The following FAM114A1 variants were observed in gnomAD, a reference collection of about 807,000 sequenced individuals.
The protein encoded by FAM114A1 is protein NOXP20.
FAM114A1 carries 62 observed loss-of-function variants against 64.3 expected under a neutral mutation model. The observed-to-expected ratio is 0.96, with a 90% CI of 0.79 to 1.19. The LOEUF is 1.19. FAM114A1 is among the 50% of genes most tolerant of loss of function. The pLI is 0.00. For missense variants in FAM114A1, 645 were observed against 676.3 expected (o/e 0.95, Z 0.51); for synonymous variants, 254 against 251.1 (o/e 1.01, Z -0.11).
intron 14 of FAM114A1, 135 bp from the exon 15 acceptor site, chr4:38,943,321 A>G (rs1721718170): frequency 1.5e-6 from 1 of 687,898 alleles, no homozygotes; most frequent in Non-Finnish European, 2.5e-6. Flanking sequence ...CACTTGCTTT[A>G]AGCACCAATA....
intron 10 of FAM114A1, 130 bp from the exon 11 acceptor site, chr4:38,931,321 C>A: frequency 9.1e-7 from 1 of 1,100,292 alleles, no homozygotes; most frequent in Non-Finnish European, 1.2e-6. Context: ...AAAATTGCCC[C>A]GTCATCCTCC....
intron 14 of FAM114A1, 55 bp downstream of exon 14, chr4:38,941,076 CTT>C (rs11398065): frequency 8.5e-3 from 10,316 of 1,213,734 alleles, no homozygotes; most frequent in South Asian, 0.012. Context: ...GTTAGAACTA[CTT>C]TTTTTTTTTT....
chr4:38,878,704 AT>A (rs1270946554), intron 3 of FAM114A1, among the ~76,000 whole-genome samples: 1 of 152,168 alleles, frequency 6.6e-6, no homozygotes, highest in Non-Finnish European at 1.5e-5. Flanking sequence ...ATGTTATGTA[AT>A]TCACTCCATC....
intron 8 of FAM114A1, among the ~76,000 whole-genome samples, chr4:38,919,101 C>T (rs755691099): frequency 4.6e-5 from 7 of 151,772 alleles, no homozygotes; most frequent in Non-Finnish European, 7.4e-5. Flanking sequence ...TGTAGTGAGC[C>T]GAGATCACAC....
chr4:38,901,570 G>T (rs1436815598), intron 4 of FAM114A1, among the ~76,000 whole-genome samples: 2 of 152,164 alleles, frequency 1.3e-5, no homozygotes, highest in Admixed American at 6.5e-5. Flanking sequence ...GGGATTACAG[G>T]CATGAGCCAC....
intron 8 of FAM114A1, among the ~76,000 whole-genome samples, chr4:38,921,397 A>T (rs1346342186): frequency 6.6e-6 from 1 of 152,090 alleles, no homozygotes; most frequent in African/African-American, 2.4e-5. Context: ...AACTGAGACC[A>T]CAGGCGTGCA....
chr4:38,943,824 A>T lies in FAM114A1; in HGVS notation c.*267A>T. Reference sequence around the variant, plus strand: ...TATTGAAAATTTCCTTTCATCTGAAATTTATTTACAAATATTCGTGTTCAT... The same window carrying T: ...TATTGAAAATTTCCTTTCATCTGAATTTTATTTACAAATATTCGTGTTCAT... On this transcript the variant is annotated 3_prime_UTR_variant, in exon 15 of 15. Transcript: ENST00000358869. 3.2e-6 allele frequency: 1 copy of T among 311,026 alleles called. No individual in the cohort carries two copies. The highest frequency in any genetic ancestry group is 6.1e-6 in the Non-Finnish European group (1 of 162,876). The allele number at this position is 311,026 out of a possible 1,614,324, so 19.3% of individuals were successfully genotyped here. A position where few individuals can be genotyped will look rare whatever the true frequency, so the allele number is the denominator to read the frequency against.
rs60653462 is a variant in FAM114A1, at chr4:38,880,074, T to TAAATA, written c.348+1674_348+1678dup. Among the ~76,000 whole-genome samples the TAAATA allele has an allele frequency of 9.7e-4, 127 of 130,862 alleles. No homozygotes were observed. In the South Asian group the frequency reaches 0.012, roughly 13 times the overall value. The allele number at this position is 130,862 out of a possible 152,430, so 85.9% of individuals were successfully genotyped here. ...ACAGTGAAACTCTGTCTCAAAAAAA[T>TAAATA]AAATAAAATAAAATAAAATAAAATA... is the stretch of plus-strand genomic sequence containing the variant. On this transcript the variant is annotated intron_variant, in intron 3 of 14. Transcript: ENST00000358869.
intron 3 of FAM114A1, among the ~76,000 whole-genome samples, chr4:38,888,424 G>A (rs571007126): frequency 2.6e-5 from 4 of 152,244 alleles, no homozygotes; most frequent in Non-Finnish European, 5.9e-5. Context: ...TTGGGAGGCT[G>A]AGGCAGGAAG....
At chr4:38,939,886 C>CTTTTTTTTTTTTTTT (rs545845095) in intron 13 of FAM114A1, among the ~76,000 whole-genome samples, 2 of 131,668 alleles carry the variant, frequency 1.5e-5, no homozygotes, top group Non-Finnish European at 3.2e-5. Context: ...CACTTTCTTT[C>CTTTTTTTTTTTTTTT]TTTTTTTTTT....
intron 13 of FAM114A1, among the ~76,000 whole-genome samples, chr4:38,937,495 G>A (rs10030508): frequency 0.081 from 12,394 of 152,134 alleles, 1,082 homozygotes; most frequent in African/African-American, 0.21. Flanking sequence ...TGGTTAGCGC[G>A]TGACCAATAT....
intron 8 of FAM114A1, among the ~76,000 whole-genome samples, chr4:38,920,156 A>C (rs1243324006): frequency 6.6e-6 from 1 of 152,028 alleles, no homozygotes; most frequent in East Asian, 1.9e-4. Flanking sequence ...CCAGTGAGCC[A>C]AGATTGCACC....
At chr4:38,910,226 A>G (rs892639722) in intron 7 of FAM114A1, among the ~76,000 whole-genome samples, 6 of 151,986 alleles carry the variant, frequency 3.9e-5, no homozygotes, top group African/African-American at 1.4e-4. Flanking sequence ...GCAATAAAGC[A>G]GGACTGCATC....
intron 14 of FAM114A1, among the ~76,000 whole-genome samples, chr4:38,942,286 G>C (rs940382574): frequency 6.6e-6 from 1 of 152,074 alleles, no homozygotes; most frequent in South Asian, 2.1e-4. Context: ...TACTGTTAAG[G>C]AAAACGACAA....
chr4:38,935,768 C>G lies in FAM114A1; in HGVS notation c.1514C>G (p.Thr505Arg). 6.2e-7 allele frequency: 1 copy of G among 1,610,172 alleles called. No individual in the cohort carries two copies. The highest frequency in any genetic ancestry group is 8.5e-7 in the Non-Finnish European group (1 of 1,177,334). Residue 505 changes from threonine (T) to arginine (R), a missense_variant, in exon 13 of 15, where the codon ACG becomes AGG. Physicochemically the swap from Thr to Arg is moderately conservative, Grantham distance 71 (BLOSUM62 -1). Transcript: ENST00000358869. ...GTGGCCTCTTTATCAAAGAAGTTTA[C>G]GAATTCTTTAACCACTGTTGGGGTA... ...NEVASLSKKFTNSLTTVGSNK... is the reference protein window; with the variant it reads ...NEVASLSKKFRNSLTTVGSNK...
rs1176908716 is a variant in FAM114A1 at position 38,945,523 on chromosome 4, T to C, written c.*1966T>C. The C allele has an allele frequency of 6.6e-6, 1 of 152,220 alleles. No homozygotes were observed. The highest frequency in any genetic ancestry group is 1.5e-5 in the Non-Finnish European group (1 of 68,030). The allele number at this position is 152,220 out of a possible 1,614,324, so 9.4% of individuals were successfully genotyped here. ...CAAGGTGGAAACCTCTTATTCACATTTGCTTTGATTCCCCGATGGAGTAGA... is the reference window on the plus strand; with the variant it reads ...CAAGGTGGAAACCTCTTATTCACATCTGCTTTGATTCCCCGATGGAGTAGA... On this transcript the variant is annotated 3_prime_UTR_variant, in exon 15 of 15. Transcript: ENST00000358869.
intron 10 of FAM114A1, 99 bp from the exon 11 acceptor site, chr4:38,931,352 T>A (rs1720614198): frequency 7.2e-7 from 1 of 1,395,460 alleles, no homozygotes; most frequent in Admixed American, 2.7e-5. Flanking sequence ...AGATCCATTC[T>A]TGAAGGCTTA....
intron 8 of FAM114A1, 30 bp from the exon 9 acceptor site, chr4:38,922,740 A>G (rs1339021308): frequency 6.3e-7 from 1 of 1,591,028 alleles, no homozygotes. Context: ...AGAAAAGATG[A>G]CAGTCGTGCT....
In FAM114A1 at chr4:38,867,868, T is replaced by A. The variant is rs893853721; in HGVS notation, c.-158+34T>A. On this transcript the variant is annotated intron_variant, in intron 1 of 14. Transcript: ENST00000358869. ...CCCGGGCACTCGGTCCCCATCCCCT[T>A]CCCCGGGGGGCGGGCGAGCGCGGGG... is the stretch of plus-strand genomic sequence containing the variant. 5 of 173,828 alleles carry A rather than the reference T, an allele frequency of 2.9e-5. No individual in the cohort carries two copies. The Admixed American group carries it at 3.2e-4, about 11-fold the overall frequency. 10.8% of individuals were successfully genotyped at this position (173,828 alleles called of 1,614,324 possible). A position where few individuals can be genotyped will look rare whatever the true frequency, so the allele number is the denominator to read the frequency against.
Sources: gnomAD v4.1 joint callset for allele counts (sites outside exome capture counted in the v4.1 genomes callset) on GRCh38, gnomAD v4.1.1 for gene constraint, MANE v1.5 for transcripts, NCBI Gene and HGNC (gene_info 2026-07-23, HGNC 2026-07-21) for gene names.